TRIM9: variants seen among roughly 807,000 people sequenced by gnomAD.
TRIM9 encodes the protein tripartite motif containing 9, also known as E3 ubiquitin-protein ligase TRIM9.
A neutral mutation model predicts 78.3 loss-of-function variants in TRIM9; 26 were observed. That is an observed-to-expected ratio of 0.33 (90% confidence interval 0.24 to 0.46). The LOEUF (loss-of-function observed/expected upper bound fraction) is 0.46. TRIM9 is among the 20% of genes least tolerant of loss of function. TRIM9 has a pLI of 1.00. For missense variants in TRIM9, 787 were observed against 1,036.4 expected (o/e 0.76, Z 3.30); for synonymous variants, 398 against 416.5 (o/e 0.96, Z 0.54).
In TRIM9 at chr14:50,983,465, G is replaced by A. The variant is rs770524451; in HGVS notation, c.1793-44C>T. ...CATCAACGCTATGAAACAACAACCA[G>A]GTTGATAAAAATTACTTGTATACGC... On this transcript the variant is annotated intron_variant, in intron 8 of 12. Transcript: ENST00000684578. 2.0e-6 allele frequency: 3 copies of A among 1,475,802 alleles called. No individual in the cohort carries two copies. The South Asian group carries it at 4.0e-5, about 20-fold the overall frequency. 91.4% of individuals were successfully genotyped at this position (1,475,802 alleles called of 1,614,324 possible). A position where few individuals can be genotyped will look rare whatever the true frequency, so the allele number is the denominator to read the frequency against.
At chr14:51,025,996 C>A (rs1442841310) in intron 1 of TRIM9, among the ~76,000 whole-genome samples, 1 of 152,164 alleles carries the variant, frequency 6.6e-6, no homozygotes, top group African/African-American at 2.4e-5. Flanking sequence ...TCCCACACCA[C>A]CCCATCCATA....
rs117212610 is a variant in TRIM9 at position 51,007,632 on chromosome 14, T to C, written c.1306+1448A>G. ...TTTCTTCAACTGTCTACTAGGGTTA[T>C]GAGAATAAAATGAGTTATACGTAGA... On this transcript the variant is annotated intron_variant, in intron 5 of 12. Coordinates refer to ENST00000684578, the MANE Select transcript of TRIM9 (RefSeq NM_001387360.1). Among the ~76,000 whole-genome samples, 440 of 152,292 alleles carry C rather than the reference T, an allele frequency of 2.9e-3. 5 individuals carry two copies. In the South Asian group the frequency reaches 0.031, roughly 11 times the overall value.
chr14:51,074,480 A>C (rs1406728702), intron 1 of TRIM9, among the ~76,000 whole-genome samples: 1 of 152,190 alleles, frequency 6.6e-6, no homozygotes, highest in Non-Finnish European at 1.5e-5. Flanking sequence ...AGTCCTCAAA[A>C]GCCCTCTCTT....
intron 3 of TRIM9, among the ~76,000 whole-genome samples, chr14:51,015,014 T>G (rs1436112396): frequency 6.6e-6 from 1 of 152,230 alleles, no homozygotes; most frequent in African/African-American, 2.4e-5. Flanking sequence ...GTCCACAGTT[T>G]CAGAGAAGGC....
At chr14:50,996,348 T>G in intron 7 of TRIM9, 1 of 985,424 alleles carries the variant, frequency 1.0e-6, no homozygotes, top group Non-Finnish European at 1.2e-6. Flanking sequence ...TTTATTAAAT[T>G]AGACACCATA....
At chr14:51,001,652 T>C (rs192886433) in intron 5 of TRIM9, among the ~76,000 whole-genome samples, 1 of 152,352 alleles carries the variant, frequency 6.6e-6, no homozygotes, top group East Asian at 1.9e-4. Context: ...CATCATTTTT[T>C]TTTAAAACCA....
rs2052014823 is a variant in TRIM9, at chr14:50,982,158, C to A, written c.1859-55G>T. On this transcript the variant is annotated intron_variant, in intron 10 of 12. Coordinates refer to ENST00000684578, the MANE Select transcript of TRIM9 (RefSeq NM_001387360.1). ...TAAGACAGACCCAACAAGCTCAGCA[C>A]CATAACATACTCCTGGGCGGGTGAG... is the stretch of plus-strand genomic sequence containing the variant. 6 of 1,585,744 alleles carry A rather than the reference C, an allele frequency of 3.8e-6. No homozygotes were observed. The South Asian group carries it at 6.8e-5, about 18-fold the overall frequency.
At chr14:50,979,360 G>C (rs765698788) in intron 12 of TRIM9, 27 bp downstream of exon 12, 4 of 1,614,204 alleles carry the variant, frequency 2.5e-6, no homozygotes, top group African/African-American at 2.7e-5. Flanking sequence ...AGCAACAGCT[G>C]TTTAACCTCA....
intron 3 of TRIM9, among the ~76,000 whole-genome samples, chr14:51,012,600 G>A (rs962499311): frequency 3.3e-5 from 5 of 152,118 alleles, no homozygotes; most frequent in Non-Finnish European, 7.4e-5. Context: ...GGATCATGTG[G>A]CAATGCTATG....
chr14:51,064,357 G>A (rs960903245), intron 1 of TRIM9, among the ~76,000 whole-genome samples: 3 of 151,928 alleles, frequency 2.0e-5, no homozygotes, highest in African/African-American at 7.2e-5. Context: ...TAGAAAAATG[G>A]TAGCCTTAAA....
intron 1 of TRIM9, among the ~76,000 whole-genome samples, chr14:51,093,054 T>C (rs1414238078): frequency 6.6e-6 from 1 of 151,726 alleles, no homozygotes; most frequent in East Asian, 1.9e-4. Context: ...TGAGGAACAG[T>C]AAGAAGCAGT....
chr14:51,064,992 G>A (rs1326399503), intron 1 of TRIM9, among the ~76,000 whole-genome samples: 1 of 152,120 alleles, frequency 6.6e-6, no homozygotes, highest in Admixed American at 6.5e-5. Context: ...ACTGCAGCAG[G>A]CTTTATGATC....
chr14:51,001,305 C>T (rs926765069), intron 5 of TRIM9, among the ~76,000 whole-genome samples: 1 of 150,052 alleles, frequency 6.7e-6, no homozygotes, highest in African/African-American at 2.5e-5. Flanking sequence ...TCTCGGCTCA[C>T]TGCAAGCTCC....
intron 1 of TRIM9, among the ~76,000 whole-genome samples, chr14:51,050,503 T>C (rs1182464089): frequency 6.6e-6 from 1 of 152,130 alleles, no homozygotes; most frequent in Non-Finnish European, 1.5e-5. Context: ...CTTTATAAAT[T>C]ACCCAGTCTT....
Position 51,095,049 on chromosome 14 carries a change from T to A in TRIM9, c.-110A>T. On this transcript the variant is annotated 5_prime_UTR_variant, in exon 1 of 13. Coordinates refer to ENST00000684578, the MANE Select transcript of TRIM9 (RefSeq NM_001387360.1). ...CCCTGGCCAGCGGCGGCGGCTGTGG[T>A]GGTGGTGCCTTCCCGCGCAGCACTG... 1 of 751,922 alleles carries A rather than the reference T, an allele frequency of 1.3e-6. No homozygotes were observed. Among genetic ancestry groups the A allele is most frequent in the Non-Finnish European group, 1.9e-6 (1 of 530,002 alleles). 46.6% of individuals were successfully genotyped at this position (751,922 alleles called of 1,614,324 possible).
chr14:50,980,662 AGTGT>A (rs1162107104), intron 11 of TRIM9, among the ~76,000 whole-genome samples: 3 of 152,242 alleles, frequency 2.0e-5, no homozygotes, highest in African/African-American at 7.2e-5. Context: ...GGAAAAAGTA[AGTGT>A]GGCATTTGGG....
In TRIM9 at chr14:51,025,120, T is replaced by C. The variant is rs546039612; in HGVS notation, c.918+145A>G. The C allele has an allele frequency of 2.8e-4, 206 of 733,752 alleles. 2 individuals are homozygous for C. The highest frequency in any genetic ancestry group is 6.0e-5 in the Non-Finnish European group (26 of 434,842). The allele number at this position is 733,752 out of a possible 1,614,324, so 45.5% of individuals were successfully genotyped here. The stretch of plus-strand genomic sequence containing the variant: ...GGGGTATGTTTGAAGTTGATCTCTA[T>C]GTGTTTGTATGTAAAGAACAACAAC... On this transcript the variant is annotated intron_variant, in intron 2 of 12. Coordinates refer to ENST00000684578, the MANE Select transcript of TRIM9 (RefSeq NM_001387360.1).
At chr14:51,008,411 A>G (rs1279741085) in intron 5 of TRIM9, among the ~76,000 whole-genome samples, 1 of 152,260 alleles carries the variant, frequency 6.6e-6, no homozygotes, top group Non-Finnish European at 1.5e-5. Flanking sequence ...ACAGTTAAAA[A>G]GAAATATTTT....
intron 1 of TRIM9, among the ~76,000 whole-genome samples, chr14:51,093,847 C>A (rs2140399952): frequency 6.6e-6 from 1 of 152,368 alleles, no homozygotes; most frequent in South Asian, 2.1e-4. Context: ...GGAAAGGGGG[C>A]GCCCTGAGTC....
Sources: allele counts gnomAD v4.1 joint callset (sites outside exome capture counted in the v4.1 genomes callset), GRCh38; gene constraint gnomAD v4.1.1; transcripts MANE v1.5; gene names NCBI Gene and HGNC (gene_info 2026-07-23, HGNC 2026-07-21).